The following CADM2 variants were observed in gnomAD, a reference collection of about 807,000 sequenced individuals.
The protein encoded by CADM2 is cell adhesion molecule 2.
CADM2 carries 12 observed loss-of-function variants against 49.8 expected under a neutral mutation model. The observed-to-expected ratio is 0.24, with a 90% CI of 0.15 to 0.39. The LOEUF (loss-of-function observed/expected upper bound fraction) is 0.39, where lower values mean the gene tolerates loss of function less well. CADM2 is among the 10% of genes least tolerant of loss of function. The pLI, the probability that CADM2 is intolerant of heterozygous loss-of-function variation, is 1.00. For missense variants in CADM2, 378 were observed against 492.3 expected (o/e 0.77, Z 2.20); for synonymous variants, 214 against 175.4 (o/e 1.22, Z -1.74).
At chr3:85,762,693 G>A (rs549592442) in intron 2 of CADM2, among the ~76,000 whole-genome samples, 1 of 150,862 alleles carries the variant, frequency 6.6e-6, no homozygotes, top group Non-Finnish European at 1.5e-5. Flanking sequence ...CATAAATAAT[G>A]TACTATATAT....
Position 86,066,753 on chromosome 3 carries a change from T to C in CADM2, c.1185T>C (p.Asn395=). 1.2e-6 allele frequency: 2 copies of C among 1,613,384 alleles called. No individual in the cohort carries two copies. Among genetic ancestry groups the C allele is most frequent in the Non-Finnish European group, 1.7e-6 (2 of 1,179,346 alleles). ...AIINAEGSQV[N]AEEKKEYFI The stretch of plus-strand genomic sequence containing the variant: ...TCAATGCTGAAGGCAGCCAAGTCAA[T>C]GCTGAAGAGAAAAAAGAGTATTTCA... The change falls in exon 10 of 10, where the codon AAT becomes AAC. Residue 395 remains asparagine (N), a synonymous_variant. Coordinates refer to ENST00000383699, the MANE Select transcript of CADM2 (RefSeq NM_001167675.2).
intron 1 of CADM2, among the ~76,000 whole-genome samples, chr3:85,045,964 A>G (rs2107383757): frequency 6.6e-6 from 1 of 152,250 alleles, no homozygotes; most frequent in Non-Finnish European, 1.5e-5. Flanking sequence ...TAGTTGAAAG[A>G]ACATCCCAAA....
intron 7 of CADM2, among the ~76,000 whole-genome samples, chr3:85,945,979 A>T (rs1274547683): frequency 2.0e-5 from 3 of 152,110 alleles, no homozygotes; most frequent in African/African-American, 4.8e-5. Flanking sequence ...GGAAAAGAGG[A>T]AGTCAAATTG....
At chr3:85,292,183 A>G (rs1365487418) in intron 1 of CADM2, among the ~76,000 whole-genome samples, 1 of 149,428 alleles carries the variant, frequency 6.7e-6, no homozygotes, top group African/African-American at 2.5e-5. Context: ...AGATCAAAAG[A>G]GACAAAGAAG....
intron 1 of CADM2, among the ~76,000 whole-genome samples, chr3:85,500,995 G>C (rs1389923577): frequency 6.6e-6 from 1 of 152,042 alleles, no homozygotes; most frequent in Admixed American, 6.6e-5. Flanking sequence ...TGAAAACATA[G>C]CCAAAGATAT....
At chr3:85,279,468 T>C (rs1409942332) in intron 1 of CADM2, among the ~76,000 whole-genome samples, 1 of 151,560 alleles carries the variant, frequency 6.6e-6, no homozygotes, top group Non-Finnish European at 1.5e-5. Flanking sequence ...TTATGGGAAA[T>C]TTTAGATATT....
intron 3 of CADM2, among the ~76,000 whole-genome samples, chr3:85,882,310 T>C: frequency 6.6e-6 from 1 of 152,100 alleles, no homozygotes; most frequent in East Asian, 1.9e-4. Flanking sequence ...GGCTCCTACT[T>C]CATTCTCCTT....
At chr3:85,444,209 C>A (rs2107549959) in intron 1 of CADM2, among the ~76,000 whole-genome samples, 1 of 152,222 alleles carries the variant, frequency 6.6e-6, no homozygotes, top group Non-Finnish European at 1.5e-5. Flanking sequence ...GCGTTTTTGG[C>A]TTCTATTCTT....
intron 1 of CADM2, among the ~76,000 whole-genome samples, chr3:85,686,093 T>A (rs759934252): frequency 1.3e-5 from 2 of 152,256 alleles, no homozygotes; most frequent in Non-Finnish European, 2.9e-5. Flanking sequence ...TTTTGATACA[T>A]GATGTATACA....
At chr3:85,350,461 G>A (rs2031231982) in intron 1 of CADM2, among the ~76,000 whole-genome samples, 1 of 152,048 alleles carries the variant, frequency 6.6e-6, no homozygotes, top group East Asian at 1.9e-4. Flanking sequence ...CAGTATTTCT[G>A]CATCCTTCTA....
At chr3:85,936,120 T>C (rs953224982) in intron 7 of CADM2, among the ~76,000 whole-genome samples, 6 of 151,972 alleles carry the variant, frequency 3.9e-5, no homozygotes, top group Middle Eastern at 3.4e-3. Flanking sequence ...TTAACCTGAA[T>C]GGAGTATATC....
chr3:85,028,229 A>G (rs2034819394), intron 1 of CADM2, among the ~76,000 whole-genome samples: 1 of 152,144 alleles, frequency 6.6e-6, no homozygotes. Context: ...CAATTGACAT[A>G]TTTTAGAGGC....
intron 1 of CADM2, among the ~76,000 whole-genome samples, chr3:85,563,054 A>G (rs2062144662): frequency 1.3e-5 from 2 of 152,186 alleles, no homozygotes; most frequent in East Asian, 1.9e-4. Context: ...ATGCTACAGT[A>G]TCACATGGGG....
At chr3:85,290,631 C>T (rs1009838640) in intron 1 of CADM2, among the ~76,000 whole-genome samples, 2 of 152,192 alleles carry the variant, frequency 1.3e-5, no homozygotes, top group Non-Finnish European at 2.9e-5. Context: ...GTCCCTGACC[C>T]TTGACCCCTG....
intron 1 of CADM2, among the ~76,000 whole-genome samples, chr3:85,368,803 C>T (rs921155346): frequency 6.6e-6 from 1 of 152,178 alleles, no homozygotes; most frequent in African/African-American, 2.4e-5. Context: ...TGTCATCACT[C>T]ATTGTTTGCT....
chr3:85,809,158 G>T (rs930231959), intron 3 of CADM2, among the ~76,000 whole-genome samples: 2 of 152,158 alleles, frequency 1.3e-5, no homozygotes, highest in African/African-American at 4.8e-5. Context: ...AAAGTTATTA[G>T]ATAACTTTCA....
chr3:85,885,209 T>C (rs1410643188), intron 4 of CADM2, among the ~76,000 whole-genome samples: 1 of 152,092 alleles, frequency 6.6e-6, no homozygotes, highest in African/African-American at 2.4e-5. Context: ...AATGATTGTT[T>C]TTAAGATTTA....
At chr3:85,423,001 G>C (rs1434898607) in intron 1 of CADM2, among the ~76,000 whole-genome samples, 2 of 152,108 alleles carry the variant, frequency 1.3e-5, no homozygotes, top group Non-Finnish European at 2.9e-5. Context: ...GGAAGAATCA[G>C]GATACATGGA....
At chr3:85,371,108 A>G (rs2033195741) in intron 1 of CADM2, among the ~76,000 whole-genome samples, 2 of 152,164 alleles carry the variant, frequency 1.3e-5, no homozygotes, top group Non-Finnish European at 1.5e-5. Flanking sequence ...TAAAGTAAAA[A>G]CGTTACAATC....
Sources: allele counts gnomAD v4.1 joint callset (sites outside exome capture counted in the v4.1 genomes callset), GRCh38; gene constraint gnomAD v4.1.1; transcripts MANE v1.5; gene names NCBI Gene and HGNC (gene_info 2026-07-23, HGNC 2026-07-21).